RGS8: variants seen among roughly 807,000 people sequenced by gnomAD.
RGS8 encodes regulator of G protein signaling 8.
RGS8 carries 8 observed loss-of-function variants against 21.7 expected under a neutral mutation model. The ratio of observed to expected loss-of-function variants is 0.37; its 90% CI spans 0.22 to 0.66. The LOEUF is 0.66. Ranked by LOEUF, RGS8 falls within the 30% of genes least tolerant of loss-of-function variation. The pLI is 0.59. For synonymous variants in RGS8, 80 were observed against 83.6 expected, an observed-to-expected ratio of 0.96 and a Z score of 0.24; for missense variants, 157 against 217.9, an observed-to-expected ratio of 0.72 and a Z score of 1.76.
chr1:182,717,308 G>A, the RGS8 span, among the ~76,000 whole-genome samples: 5 of 152,190 alleles, frequency 3.3e-5, no homozygotes, highest in East Asian at 5.8e-4. Flanking sequence ...GGCTGAGGCC[G>A]GAGGAGCAAG....
At chr1:182,648,826 C>T (rs1010211290) in intron 5 of RGS8, among the ~76,000 whole-genome samples, 8 of 150,738 alleles carry the variant, frequency 5.3e-5, no homozygotes, top group African/African-American at 1.5e-4. Context: ...TAGGGCTGGA[C>T]GCAGTGTCTC....
chr1:182,715,303 G>C, the RGS8 span, among the ~76,000 whole-genome samples: 1 of 152,136 alleles, frequency 6.6e-6, no homozygotes, highest in Non-Finnish European at 1.5e-5. Context: ...AGTAGTCCAG[G>C]TGTCACATAC....
intron 1 of RGS8, among the ~76,000 whole-genome samples, chr1:182,681,190 G>A (rs912536669): frequency 3.3e-5 from 5 of 152,154 alleles, no homozygotes; most frequent in Admixed American, 3.3e-4. Context: ...GGGACAGGAG[G>A]GCCAAAGGTG....
intron 4 of RGS8, among the ~76,000 whole-genome samples, chr1:182,666,290 G>A (rs145129475): frequency 6.6e-6 from 1 of 152,290 alleles, no homozygotes; most frequent in East Asian, 1.9e-4. Flanking sequence ...ACAAAGCTAA[G>A]TAAGTACATG....
chr1:182,660,671 T>C (rs934310304), intron 5 of RGS8, among the ~76,000 whole-genome samples: 1 of 149,672 alleles, frequency 6.7e-6, no homozygotes, highest in African/African-American at 2.5e-5. Flanking sequence ...ATACAGTCTT[T>C]AGTATGTTTC....
intron 6 of RGS8, among the ~76,000 whole-genome samples, chr1:182,647,358 G>A (rs756850767): frequency 6.6e-6 from 1 of 152,206 alleles, no homozygotes; most frequent in Non-Finnish European, 1.5e-5. Flanking sequence ...GTGGAGGGAG[G>A]CCCTGGTTAG....
chr1:182,665,436 G>C (rs1663808463), intron 5 of RGS8, among the ~76,000 whole-genome samples: 1 of 152,166 alleles, frequency 6.6e-6, no homozygotes. Context: ...TTGTATTCCA[G>C]TAAAATGTAT....
At chr1:182,647,500 CA>C (rs2102405059) in intron 6 of RGS8, among the ~76,000 whole-genome samples, 1 of 152,318 alleles carries the variant, frequency 6.6e-6, no homozygotes, top group African/African-American at 2.4e-5. Flanking sequence ...AAACTTGTAG[CA>C]AACATTTTTC....
intron 3 of RGS8, among the ~76,000 whole-genome samples, chr1:182,667,625 T>C (rs1021351285): frequency 6.6e-6 from 1 of 152,242 alleles, no homozygotes; most frequent in Non-Finnish European, 1.5e-5. Flanking sequence ...ACTAAGCTCA[T>C]GTATTCCTAT....
At chr1:182,751,412 C>A in the RGS8 span, among the ~76,000 whole-genome samples, 10 of 152,098 alleles carry the variant, frequency 6.6e-5, no homozygotes, top group Non-Finnish European at 1.5e-4. Flanking sequence ...GTGTCAGGTA[C>A]CAGGGTCATG....
At chr1:182,733,196 T>C in the RGS8 span, among the ~76,000 whole-genome samples, 2 of 152,314 alleles carry the variant, frequency 1.3e-5, no homozygotes, top group African/African-American at 4.8e-5. Context: ...CTGGTACATG[T>C]GTTATAGTTT....
At chr1:182,709,683 T>C in the RGS8 span, among the ~76,000 whole-genome samples, 1 of 152,182 alleles carries the variant, frequency 6.6e-6, no homozygotes, top group Non-Finnish European at 1.5e-5. Flanking sequence ...ACTATTTCTA[T>C]TCCCTGACTT....
At chr1:182,661,408 T>C (rs1280856464) in intron 5 of RGS8, among the ~76,000 whole-genome samples, 2 of 151,878 alleles carry the variant, frequency 1.3e-5, no homozygotes, top group South Asian at 4.2e-4. Context: ...TGGTCACACA[T>C]AAGAAGTGAG....
chr1:182,654,907 T>C (rs571954787), intron 5 of RGS8, among the ~76,000 whole-genome samples: 1 of 151,528 alleles, frequency 6.6e-6, no homozygotes, highest in Non-Finnish European at 1.5e-5. Context: ...AATTGGGACA[T>C]AGAGGAAGAG....
the RGS8 span, among the ~76,000 whole-genome samples, chr1:182,741,837 G>A: frequency 1.5e-5 from 2 of 131,330 alleles, no homozygotes; most frequent in Admixed American, 7.2e-5. Context: ...CCGGGCAGAG[G>A]CGCCCCTCAC....
chr1:182,667,376 A>G (rs1307858686), intron 3 of RGS8, among the ~76,000 whole-genome samples: 1 of 152,204 alleles, frequency 6.6e-6, no homozygotes, highest in Non-Finnish European at 1.5e-5. Context: ...AAAGACCCAG[A>G]AGGGGTACCA....
At chr1:182,742,812 A>G in the RGS8 span, among the ~76,000 whole-genome samples, 4 of 151,576 alleles carry the variant, frequency 2.6e-5, no homozygotes, top group African/African-American at 7.2e-5. Context: ...CTACTTTTTT[A>G]TGTAGTTAAA....
At chr1:182,663,181 C>T (rs896936639) in intron 5 of RGS8, among the ~76,000 whole-genome samples, 5 of 152,174 alleles carry the variant, frequency 3.3e-5, no homozygotes, top group South Asian at 4.1e-4. Flanking sequence ...GACGAGCACA[C>T]GTGCAATCCC....
At chr1:182,663,234 C>T (rs972226301) in intron 5 of RGS8, among the ~76,000 whole-genome samples, 1 of 152,204 alleles carries the variant, frequency 6.6e-6, no homozygotes, top group Admixed American at 6.5e-5. Flanking sequence ...ACAATACCAA[C>T]TCAAATTAAT....
Sources: allele counts gnomAD v4.1 joint callset (sites outside exome capture counted in the v4.1 genomes callset), GRCh38; gene constraint gnomAD v4.1.1; transcripts MANE v1.5; gene names NCBI Gene and HGNC (gene_info 2026-07-23, HGNC 2026-07-21).